Variants in UNC5D observed in about 807,000 individuals in gnomAD.
The protein encoded by UNC5D is unc-5 netrin receptor D, also known as netrin receptor UNC5D.
Under a neutral mutation model 105.4 loss-of-function variants are expected in UNC5D, and 39 were observed. The ratio of observed to expected loss-of-function variants is 0.37; its 90% CI spans 0.29 to 0.48. UNC5D has a LOEUF of 0.48. UNC5D is among the 20% of genes least tolerant of loss of function. The pLI is 0.98. For synonymous variants in UNC5D, 452 were observed against 450.4 expected (o/e 1.00, Z -0.04); for missense variants, 991 against 1,202.4 (o/e 0.82, Z 2.60).
At chr8:35,605,497 C>G (rs189801978) in intron 4 of UNC5D, among the ~76,000 whole-genome samples, 3 of 152,140 alleles carry the variant, frequency 2.0e-5, no homozygotes, top group African/African-American at 4.8e-5. Context: ...GGTCAGGGAC[C>G]CACTTGAGGA....
At chr8:35,451,069 G>C (rs1052830023) in intron 1 of UNC5D, among the ~76,000 whole-genome samples, 1 of 128,248 alleles carries the variant, frequency 7.8e-6, no homozygotes, top group Admixed American at 8.6e-5. Context: ...TTGAGACACA[G>C]TTTTGCTCTT....
chr8:35,540,053 G>GC (rs1255214834), intron 1 of UNC5D, among the ~76,000 whole-genome samples: 4 of 152,114 alleles, frequency 2.6e-5, no homozygotes, highest in Non-Finnish European at 5.9e-5. Flanking sequence ...ACTATGAATG[G>GC]CCTCACTCTT....
intron 1 of UNC5D, among the ~76,000 whole-genome samples, chr8:35,337,255 A>C (rs879642363): frequency 1.3e-4 from 20 of 152,154 alleles, no homozygotes; most frequent in Admixed American, 1.2e-3. Flanking sequence ...ACTAGTATGC[A>C]AGACCTTATT....
At chr8:35,591,976 C>T (rs943538086) in intron 3 of UNC5D, among the ~76,000 whole-genome samples, 36 of 152,306 alleles carry the variant, frequency 2.4e-4, no homozygotes, top group African/African-American at 7.9e-4. Flanking sequence ...AATGTTCCTG[C>T]GGTTTCCCCT....
intron 13 of UNC5D, among the ~76,000 whole-genome samples, chr8:35,754,142 C>T (rs965878873): frequency 6.6e-6 from 1 of 152,170 alleles, no homozygotes; most frequent in Non-Finnish European, 1.5e-5. Context: ...AAAGACCTCA[C>T]AAATTAGTAT....
intron 1 of UNC5D, among the ~76,000 whole-genome samples, chr8:35,467,743 G>A (rs1809414508): frequency 6.6e-6 from 1 of 152,082 alleles, no homozygotes; most frequent in Non-Finnish European, 1.5e-5. Context: ...GGGGTAGGGT[G>A]GAGGGAATAG....
intron 1 of UNC5D, 150 bp downstream of exon 1, chr8:35,236,037 C>T: frequency 1.5e-6 from 1 of 651,564 alleles, no homozygotes; most frequent in Non-Finnish European, 2.2e-6. Flanking sequence ...GAGTGGAGGA[C>T]TCCGAGGGGA....
intron 1 of UNC5D, among the ~76,000 whole-genome samples, chr8:35,547,285 C>CT (rs11363785): frequency 0.04 from 5,107 of 127,996 alleles, 203 homozygotes; most frequent in African/African-American, 0.095. Flanking sequence ...GAACATTACT[C>CT]TTTTTTTTTT....
At chr8:35,442,477 T>C (rs1017622313) in intron 1 of UNC5D, among the ~76,000 whole-genome samples, 3 of 151,864 alleles carry the variant, frequency 2.0e-5, no homozygotes, top group African/African-American at 7.3e-5. Context: ...GGAATTACAG[T>C]AATGTAATTT....
Position 35,644,805 on chromosome 8 carries a change from G to A in UNC5D, c.571-38742G>A, listed in dbSNP as rs182962532. ...ATCACATTTTTGCCCAATTAGTAGAGAGACCACATGAAATCACTAAAAGAG... is the reference window on the plus strand; with the variant it reads ...ATCACATTTTTGCCCAATTAGTAGAAAGACCACATGAAATCACTAAAAGAG... On this transcript the variant is annotated intron_variant, in intron 4 of 16. Coordinates refer to ENST00000404895, the MANE Select transcript of UNC5D (RefSeq NM_080872.4). Among the ~76,000 whole-genome samples the A allele has an allele frequency of 2.6e-5, 4 of 152,186 alleles. No homozygotes were observed. The East Asian group carries it at 7.7e-4, about 29-fold the overall frequency.
intron 16 of UNC5D, among the ~76,000 whole-genome samples, chr8:35,787,855 A>G (rs1586647517): frequency 6.6e-6 from 1 of 152,222 alleles, no homozygotes; most frequent in East Asian, 1.9e-4. Flanking sequence ...CCTGGCCTCA[A>G]GTGATCCTCC....
intron 1 of UNC5D, among the ~76,000 whole-genome samples, chr8:35,541,085 T>C (rs1394505554): frequency 6.6e-6 from 1 of 152,134 alleles, no homozygotes; most frequent in African/African-American, 2.4e-5. Context: ...AAAAATTAAA[T>C]TTAACCGAGT....
intron 2 of UNC5D, among the ~76,000 whole-genome samples, chr8:35,560,604 A>G (rs1816888834): frequency 6.6e-6 from 1 of 152,204 alleles, no homozygotes; most frequent in Non-Finnish European, 1.5e-5. Flanking sequence ...GGAAAATATA[A>G]TACAAAGAAT....
At chr8:35,536,164 G>T (rs60165671) in intron 1 of UNC5D, among the ~76,000 whole-genome samples, 8,626 of 152,182 alleles carry the variant, frequency 0.057, 738 homozygotes, top group African/African-American at 0.18. Context: ...TCTCCAAGAG[G>T]ATAAGGAAAT....
chr8:35,726,396 C>T lies in UNC5D; in HGVS notation c.1548C>T (p.His516=). The change falls in exon 10 of 17, where the codon CAC becomes CAT. Residue 516 remains histidine (H), a synonymous_variant. Transcript: ENST00000404895. ...GGACTTTTCCCCATGGAAACAACCA[C>T]AGCTTTAGTACAATGCATCCCAGAA... ...HSRTFPHGNN[H]SFSTMHPRNK... is the part of the protein sequence containing the mutation. 1.2e-6 allele frequency: 2 copies of T among 1,614,160 alleles called. No homozygotes were observed. Among genetic ancestry groups the T allele is most frequent in the Non-Finnish European group, 1.7e-6 (2 of 1,180,030 alleles).
Position 35,539,406 on chromosome 8 carries a change from A to G in UNC5D, c.104-9886A>G, listed in dbSNP as rs188615441. Reference sequence around the variant, plus strand: ...TTTACAAGTTACAAGATCACTATAAAAGATACTTTCCAAGATTTTAGAGGG... The same window carrying G: ...TTTACAAGTTACAAGATCACTATAAGAGATACTTTCCAAGATTTTAGAGGG... On this transcript the variant is annotated intron_variant, in intron 1 of 16. Coordinates refer to ENST00000404895, the MANE Select transcript of UNC5D (RefSeq NM_080872.4). Among the ~76,000 whole-genome samples the G allele has an allele frequency of 3.6e-3, 543 of 152,334 alleles. 1 individual carries two copies. Among genetic ancestry groups the G allele is most frequent in the Middle Eastern group, 0.01 (3 of 294 alleles).
chr8:35,527,194 G>T (rs1813942356), intron 1 of UNC5D, among the ~76,000 whole-genome samples: 1 of 151,602 alleles, frequency 6.6e-6, no homozygotes, highest in African/African-American at 2.4e-5. Flanking sequence ...AGTACTTCCA[G>T]ATTGATTTCC....
In UNC5D at chr8:35,516,963, G is replaced by A. The variant is rs185932362; in HGVS notation, c.104-32329G>A. 2.1e-4 allele frequency among the ~76,000 whole-genome samples: 32 copies of A among 152,258 alleles called. No individual in the cohort carries two copies. The East Asian group carries it at 3.3e-3, about 16-fold the overall frequency. ...TTAAGTTGAAATGGGTAAGACAAACGTCTTATTTGAGGTCATGCTGTTCTC... is the reference window on the plus strand; with the variant it reads ...TTAAGTTGAAATGGGTAAGACAAACATCTTATTTGAGGTCATGCTGTTCTC... On this transcript the variant is annotated intron_variant, in intron 1 of 16. Transcript: ENST00000404895.
chr8:35,512,569 A>ATATATCTCTC (rs539399345), intron 1 of UNC5D, among the ~76,000 whole-genome samples: 43 of 64,822 alleles, frequency 6.6e-4, no homozygotes, highest in African/African-American at 1.9e-3. Context: ...ATATATATAT[A>ATATATCTCTC]TCTGAATAGA....
Sources: gnomAD v4.1 joint callset for allele counts (sites outside exome capture counted in the v4.1 genomes callset) on GRCh38, gnomAD v4.1.1 for gene constraint, MANE v1.5 for transcripts, NCBI Gene and HGNC (gene_info 2026-07-23, HGNC 2026-07-21) for gene names.